The following SLC4A5 variants were observed in gnomAD, a reference collection of about 807,000 sequenced individuals.
The protein encoded by SLC4A5 is electrogenic sodium bicarbonate cotransporter 4.
In SLC4A5, 96 loss-of-function variants were observed where a neutral mutation model predicts 120.4. The observed-to-expected ratio is 0.80, with a 90% confidence interval of 0.68 to 0.94. SLC4A5 has a LOEUF of 0.94. SLC4A5 is among the 40% of genes least tolerant of loss of function. SLC4A5 has a pLI of 0.00. For missense variants in SLC4A5, 1,259 were observed against 1,459.5 expected (o/e 0.86, Z 2.24); for synonymous variants, 550 against 571.1 (o/e 0.96, Z 0.53).
Position 74,314,856 on chromosome 2 carries a change from A to G in SLC4A5, c.79+89T>C, listed in dbSNP as rs534963574. The G allele has an allele frequency of 2.3e-5, 28 of 1,217,674 alleles. No homozygotes were observed. In the Admixed American group the frequency reaches 2.9e-4, roughly 13 times the overall value. The allele number at this position is 1,217,674 out of a possible 1,614,324, so 75.4% of individuals were successfully genotyped here. A position where few individuals can be genotyped will look rare whatever the true frequency, so the allele number is the denominator to read the frequency against. On this transcript the variant is annotated intron_variant, in intron 6 of 30. Transcript: ENST00000394019. ...TCAGGAAAAGGGACCTGCTCCCTAG[A>G]CTCTCCTGCTGAAAGAGCTGTCATA...
intron 5 of SLC4A5, among the ~76,000 whole-genome samples, chr2:74,323,169 G>A (rs913778790): frequency 6.6e-6 from 1 of 152,148 alleles, no homozygotes; most frequent in Non-Finnish European, 1.5e-5. Flanking sequence ...GAACCCAGGA[G>A]GTGGAGGTTG....
At chr2:74,290,364 A>T in intron 7 of SLC4A5, 3 of 985,226 alleles carry the variant, frequency 3.0e-6, no homozygotes, top group Non-Finnish European at 3.6e-6. Flanking sequence ...TTCACACAAC[A>T]AACTCACTTT....
rs748436530 is a variant in SLC4A5 at position 74,255,864 on chromosome 2, CA to C, written c.935del (p.Val312GlyfsTer4). 7.4e-6 allele frequency: 12 copies of C among 1,614,054 alleles called. No homozygotes were observed. In the Admixed American group the frequency reaches 1.8e-4, roughly 25 times the overall value. On this transcript the variant is annotated frameshift_variant, in exon 13 of 31. Transcript: ENST00000394019. LOFTEE classifies it high-confidence loss of function. This position sits in a 1 kb window ranked among gnomAD's most constrained non-coding sequence, Gnocchi z 4.0. ...CGATGAATGGCTGGTCTAGGAAGTCCACCTCGCCCACGAGCACGTTGGACGC... is the reference window on the plus strand; with the variant it reads ...CGATGAATGGCTGGTCTAGGAAGTCCCCTCGCCCACGAGCACGTTGGACGC...
intron 3 of SLC4A5, among the ~76,000 whole-genome samples, chr2:74,334,885 T>C (rs950472506): frequency 6.6e-6 from 1 of 152,150 alleles, no homozygotes; most frequent in Non-Finnish European, 1.5e-5. Context: ...ATTATAATTA[T>C]TACACCCTCA....
intron 7 of SLC4A5, among the ~76,000 whole-genome samples, chr2:74,292,441 T>C (rs1261955884): frequency 6.6e-6 from 1 of 152,158 alleles, no homozygotes; most frequent in Non-Finnish European, 1.5e-5. Context: ...GGTCAGGGTT[T>C]CTCTAATGCC....
At chr2:74,243,896 T>C (rs1670525323) in intron 19 of SLC4A5, among the ~76,000 whole-genome samples, 1 of 152,174 alleles carries the variant, frequency 6.6e-6, no homozygotes, top group African/African-American at 2.4e-5. Flanking sequence ...AATCAGTGTG[T>C]GCAGCATTCA....
chr2:74,336,142 A>C (rs1233915232), intron 3 of SLC4A5, among the ~76,000 whole-genome samples: 2 of 152,178 alleles, frequency 1.3e-5, no homozygotes, highest in African/African-American at 4.8e-5. Context: ...ATCACAGCTC[A>C]CTACAGCCTT....
At chr2:74,307,033 C>A (rs923252540) in intron 6 of SLC4A5, 4 of 572,962 alleles carry the variant, frequency 7.0e-6, no homozygotes, top group Non-Finnish European at 1.3e-5. Context: ...GTGTAGTGGG[C>A]CTCCACCTCC....
intron 6 of SLC4A5, among the ~76,000 whole-genome samples, chr2:74,313,329 A>C (rs1337187254): frequency 6.6e-6 from 1 of 152,214 alleles, no homozygotes; most frequent in Non-Finnish European, 1.5e-5. Context: ...ACTTTCAAAT[A>C]ACGCTATACT....
rs534214431 is a variant in SLC4A5, at chr2:74,289,186, T to C, written c.272-3284A>G. Among the ~76,000 whole-genome samples the C allele has an allele frequency of 1.5e-3, 225 of 152,352 alleles. 1 individual carries two copies. The highest frequency in any genetic ancestry group is 2.4e-3 in the Non-Finnish European group (161 of 68,034). The stretch of plus-strand genomic sequence containing the variant: ...TCACACAATGGGCTCCTGGGAGTCA[T>C]GGTTCTCTTTGAATAGCACCATAAA... On this transcript the variant is annotated intron_variant, in intron 7 of 30. Coordinates refer to ENST00000394019, the Ensembl canonical transcript of SLC4A5.
At chr2:74,249,689 A>T (rs1265200600) in intron 17 of SLC4A5, among the ~76,000 whole-genome samples, 1 of 152,160 alleles carries the variant, frequency 6.6e-6, no homozygotes, top group African/African-American at 2.4e-5. Flanking sequence ...AGGGAAGATA[A>T]GGGACGCAAT....
intron 6 of SLC4A5, among the ~76,000 whole-genome samples, chr2:74,313,468 G>A (rs1672870663): frequency 6.6e-6 from 1 of 152,118 alleles, no homozygotes; most frequent in South Asian, 2.1e-4. Flanking sequence ...GCATTCCTAG[G>A]TACTAGGGGT....
At chr2:74,340,080 T>C (rs1185131894) in intron 2 of SLC4A5, among the ~76,000 whole-genome samples, 3 of 152,224 alleles carry the variant, frequency 2.0e-5, no homozygotes, top group South Asian at 2.1e-4. Flanking sequence ...AAAGTTTCAG[T>C]TGGGAATGAT....
chr2:74,314,447 C>G (rs1672901878), intron 6 of SLC4A5, among the ~76,000 whole-genome samples: 3 of 152,136 alleles, frequency 2.0e-5, no homozygotes, highest in African/African-American at 7.2e-5. Context: ...TCAAGTGGGG[C>G]TGGGGTAACG....
chr2:74,304,384 TG>T, intron 7 of SLC4A5, 104 bp downstream of exon 7: 1 of 1,203,668 alleles, frequency 8.3e-7, no homozygotes, highest in Non-Finnish European at 1.1e-6. Context: ...CTGAGCCATG[TG>T]GAGCGTTACC....
intron 12 of SLC4A5, 104 bp from the exon 13 acceptor site, chr2:74,256,036 C>A: frequency 8.0e-7 from 1 of 1,254,510 alleles, no homozygotes; most frequent in Non-Finnish European, 1.1e-6. Flanking sequence ...AAAAATTCTC[C>A]CAATGTTGCC....
intron 4 of SLC4A5, among the ~76,000 whole-genome samples, chr2:74,330,868 A>AGATGGAGGTGGTGATGTCTAGCT (rs112214057): frequency 1.4e-4 from 2 of 14,800 alleles, no homozygotes; most frequent in African/African-American, 3.5e-4. Flanking sequence ...GGTGAGGTAT[A>AGATGGAGGTGGTGATGTCTAGCT]GGAGGTGGTG....
At chr2:74,266,918 A>G (rs1422360439) in intron 8 of SLC4A5, among the ~76,000 whole-genome samples, 2 of 152,236 alleles carry the variant, frequency 1.3e-5, no homozygotes, top group Non-Finnish European at 2.9e-5. Context: ...TGAGAAAAAT[A>G]TCTGCAACAA....
Position 74,231,216 on chromosome 2 carries a change from G to C in SLC4A5, c.2847+20C>G. On this transcript the variant is annotated intron_variant, in intron 25 of 30. Coordinates refer to ENST00000394019, the Ensembl canonical transcript of SLC4A5. Reference sequence around the variant, plus strand: ...GCTTTCTCAGGCAACGAGGCCCTAGGTGACAGTGCAGGACCTCACCTTTAG... The same window carrying C: ...GCTTTCTCAGGCAACGAGGCCCTAGCTGACAGTGCAGGACCTCACCTTTAG... 1 of 1,600,052 alleles carries C rather than the reference G, an allele frequency of 6.2e-7. No homozygotes were observed. The highest frequency in any genetic ancestry group is 1.3e-5 in the African/African-American group (1 of 74,850).
Sources: gnomAD v4.1 joint callset for allele counts (sites outside exome capture counted in the v4.1 genomes callset) on GRCh38, gnomAD v4.1.1 for gene constraint, Gnocchi (gnomAD v3.1) non-coding constraint, MANE v1.5 for transcripts, NCBI Gene and HGNC (gene_info 2026-07-23, HGNC 2026-07-21) for gene names.